Variants in FAM110B observed in about 807,000 individuals in gnomAD.
FAM110B encodes the protein family with sequence similarity 110 member B, also known as protein FAM110B.
FAM110B carries 6 observed loss-of-function variants against 20.4 expected under a neutral mutation model. The observed-to-expected ratio is 0.29, with a 90% CI of 0.16 to 0.58. FAM110B has a LOEUF of 0.58. FAM110B is among the 20% of genes least tolerant of loss of function. The probability of loss-of-function intolerance (pLI) is 0.90; values close to 1 mark genes in which losing one functional copy is unlikely to be tolerated. For missense variants in FAM110B, 434 were observed against 498.2 expected, an observed-to-expected ratio of 0.87 and a Z score of 1.23; for synonymous variants, 226 against 214.1, an observed-to-expected ratio of 1.06 and a Z score of -0.49.
chr8:58,067,385 G>T (rs146903569), intron 2 of FAM110B, among the ~76,000 whole-genome samples: 5 of 152,312 alleles, frequency 3.3e-5, no homozygotes, highest in African/African-American at 1.2e-4. Context: ...TAGAAGGAGA[G>T]AAGCTGTGGT....
chr8:58,105,556 A>ATTTTTTTTTTTTTTTTTTTTTTTTT (rs71557704), intron 3 of FAM110B, among the ~76,000 whole-genome samples: 1 of 94,600 alleles, frequency 1.1e-5, no homozygotes, highest in African/African-American at 5.0e-5. Context: ...GAATGAATGA[A>ATTTTTTTTTTTTTTTTTTTTTTTTT]TTTTTTTTTT....
intron 2 of FAM110B, among the ~76,000 whole-genome samples, chr8:58,058,173 T>C (rs1805585752): frequency 1.3e-5 from 2 of 152,242 alleles, no homozygotes; most frequent in South Asian, 2.1e-4. Context: ...TGACAGCTGT[T>C]ATTATTTAAG....
chr8:58,043,540 A>G lies in FAM110B; in HGVS notation c.-414+11837A>G, dbSNP rs192175896. On this transcript the variant is annotated intron_variant, in intron 2 of 3. Coordinates refer to ENST00000519262, the MANE Select transcript of FAM110B (RefSeq NM_001377989.1). ...TGCACAACGTGCAAGTTTGTTACAT[A>G]TGTAAACATGTGCCATATTGGTATG... Among the ~76,000 whole-genome samples the G allele has an allele frequency of 4.1e-4, 62 of 152,272 alleles. 1 individual carries two copies. Among genetic ancestry groups the G allele is most frequent in the African/African-American group, 1.4e-3 (57 of 41,564 alleles).
In FAM110B at chr8:58,140,065, A is replaced by G. The variant is rs149576510; in HGVS notation, c.-324-5842A>G. Among the ~76,000 whole-genome samples the G allele has an allele frequency of 3.9e-3, 595 of 152,282 alleles. 1 individual carries two copies. The highest frequency in any genetic ancestry group is 5.5e-3 in the Non-Finnish European group (372 of 68,034). ...ACAGTGGGTGTGGAGGGACCACTGTAGTTGTAGTTCTGTTTGGCTTAAGCC... is the reference window on the plus strand; with the variant it reads ...ACAGTGGGTGTGGAGGGACCACTGTGGTTGTAGTTCTGTTTGGCTTAAGCC... On this transcript the variant is annotated intron_variant, in intron 3 of 3. Coordinates refer to ENST00000519262, the MANE Select transcript of FAM110B (RefSeq NM_001377989.1).
intron 3 of FAM110B, among the ~76,000 whole-genome samples, chr8:58,119,061 C>T (rs1807288235): frequency 6.6e-6 from 1 of 152,192 alleles, no homozygotes; most frequent in South Asian, 2.1e-4. Context: ...TGTTCACTTG[C>T]CCCTTACTGG....
chr8:58,051,244 G>A (rs1449212446), intron 2 of FAM110B, among the ~76,000 whole-genome samples: 1 of 152,182 alleles, frequency 6.6e-6, no homozygotes, highest in African/African-American at 2.4e-5. Context: ...TTAAGAACGT[G>A]ACAAGCTAGG....
intron 3 of FAM110B, among the ~76,000 whole-genome samples, chr8:58,096,130 G>A: frequency 6.6e-6 from 1 of 152,090 alleles, no homozygotes; most frequent in South Asian, 2.1e-4. Context: ...GAGCCTATGT[G>A]TGTCCTTGAA....
chr8:58,048,489 G>T (rs981020664), intron 2 of FAM110B, among the ~76,000 whole-genome samples: 4 of 152,012 alleles, frequency 2.6e-5, no homozygotes, highest in Admixed American at 2.0e-4. Flanking sequence ...TTGATCATCT[G>T]CCCCTTCCTT....
At chr8:58,026,209 T>G (rs1390179674) in intron 1 of FAM110B, among the ~76,000 whole-genome samples, 3 of 152,230 alleles carry the variant, frequency 2.0e-5, no homozygotes, top group Non-Finnish European at 4.4e-5. Context: ...ATTTCTGCCA[T>G]AGCTAACAGC....
intron 3 of FAM110B, among the ~76,000 whole-genome samples, chr8:58,106,862 A>T (rs1262369382): frequency 6.6e-6 from 1 of 152,204 alleles, no homozygotes; most frequent in Non-Finnish European, 1.5e-5. Context: ...CTAAAACCTC[A>T]GTGTGTTTAT....
chr8:58,117,704 C>G (rs936677140), intron 3 of FAM110B, among the ~76,000 whole-genome samples: 3 of 152,092 alleles, frequency 2.0e-5, no homozygotes, highest in Non-Finnish European at 4.4e-5. Flanking sequence ...TTGCAAAATG[C>G]CTTAGAGTGG....
intron 3 of FAM110B, among the ~76,000 whole-genome samples, chr8:58,087,398 A>G (rs915916085): frequency 2.6e-5 from 4 of 152,194 alleles, no homozygotes; most frequent in Admixed American, 1.3e-4. Flanking sequence ...GAATAGGCAT[A>G]TACATTTCAC....
intron 3 of FAM110B, among the ~76,000 whole-genome samples, chr8:58,102,240 C>T (rs188167307): frequency 4.2e-4 from 64 of 152,346 alleles, no homozygotes; most frequent in Non-Finnish European, 8.4e-4. Context: ...ATGAGCAGCT[C>T]TGATTGACAG....
intron 3 of FAM110B, among the ~76,000 whole-genome samples, chr8:58,094,440 TGA>T (rs1294768500): frequency 5.3e-5 from 8 of 152,212 alleles, no homozygotes; most frequent in Admixed American, 3.9e-4. Flanking sequence ...CCTACTTTAT[TGA>T]GAGTTTTTAG....
At chr8:58,067,410 G>A (rs1805794710) in intron 2 of FAM110B, among the ~76,000 whole-genome samples, 1 of 152,190 alleles carries the variant, frequency 6.6e-6, no homozygotes, top group Admixed American at 6.5e-5. Flanking sequence ...CCCTCAGGGA[G>A]CTTGAGCCAA....
chr8:58,038,328 A>C (rs1805129899), intron 2 of FAM110B, among the ~76,000 whole-genome samples: 1 of 152,152 alleles, frequency 6.6e-6, no homozygotes, highest in South Asian at 2.1e-4. Context: ...GGAATCCTGG[A>C]GTGTTGAAGA....
intron 3 of FAM110B, among the ~76,000 whole-genome samples, chr8:58,081,355 T>TGCTA (rs1806186594): frequency 6.6e-6 from 1 of 152,142 alleles, no homozygotes; most frequent in African/African-American, 2.4e-5. Context: ...TGCAGGCGTG[T>TGCTA]GCTACCATGC....
intron 1 of FAM110B, among the ~76,000 whole-genome samples, chr8:58,029,414 A>G (rs1189285108): frequency 6.6e-6 from 1 of 152,218 alleles, no homozygotes; most frequent in Non-Finnish European, 1.5e-5. Context: ...GGGCATTCAT[A>G]TTTTAATCTA....
intron 2 of FAM110B, among the ~76,000 whole-genome samples, chr8:58,073,101 T>C (rs891158280): frequency 1.7e-4 from 26 of 152,210 alleles, no homozygotes; most frequent in Non-Finnish European, 1.0e-4. Flanking sequence ...AGGCCTCTCA[T>C]CTAAGTGTAG....
Sources: allele counts gnomAD v4.1 joint callset (sites outside exome capture counted in the v4.1 genomes callset), GRCh38; gene constraint gnomAD v4.1.1; transcripts MANE v1.5; gene names NCBI Gene and HGNC (gene_info 2026-07-23, HGNC 2026-07-21).